Variants in NBL1 observed in about 807,000 individuals in gnomAD.
The protein encoded by NBL1 is neuroblastoma suppressor of tumorigenicity 1.
A neutral mutation model predicts 16.0 loss-of-function variants in NBL1; 9 were observed. The observed-to-expected ratio is 0.56, with a 90% CI of 0.34 to 0.98. NBL1 has a LOEUF of 0.98. Among genes scored for constraint, NBL1 ranks in the 50% least tolerant of loss-of-function variants. The pLI, the probability that NBL1 is intolerant of heterozygous loss-of-function variation, is 0.02. For missense variants in NBL1, 196 were observed against 243.1 expected, an observed-to-expected ratio of 0.81 and a Z score of 1.29; for synonymous variants, 86 against 100.7, an observed-to-expected ratio of 0.85 and a Z score of 0.87.
In NBL1 at chr1:19,644,489, A is replaced by G; in HGVS notation, c.-20+43A>G. 1 of 969,806 alleles carries G rather than the reference A, an allele frequency of 1.0e-6. No homozygotes were observed. Among genetic ancestry groups the G allele is most frequent in the South Asian group, 4.7e-5 (1 of 21,086 alleles). 60.1% of individuals were successfully genotyped at this position (969,806 alleles called of 1,614,324 possible). Reference sequence around the variant, plus strand: ...CGGCACGCGGGCGCCCGGCTTCCAGAGGCTTCGGCCGCGGGGGCAGTGCCG... The same window carrying G: ...CGGCACGCGGGCGCCCGGCTTCCAGGGGCTTCGGCCGCGGGGGCAGTGCCG... On this transcript the variant is annotated intron_variant, in intron 1 of 3. Coordinates refer to ENST00000375136, the MANE Select transcript of NBL1 (RefSeq NM_005380.8). This position sits in a 1 kb window ranked among gnomAD's most constrained non-coding sequence, Gnocchi z 4.6.
At chr1:19,652,463 G>GA (rs200087124) in intron 1 of NBL1, among the ~76,000 whole-genome samples, 10 of 152,030 alleles carry the variant, frequency 6.6e-5, no homozygotes, top group Non-Finnish European at 8.8e-5. Flanking sequence ...GGAGGCGGCG[G>GA]GGGGGCAGCC....
chr1:19,647,990 G>A (rs1254887623), intron 1 of NBL1, among the ~76,000 whole-genome samples: 2 of 152,138 alleles, frequency 1.3e-5, no homozygotes, highest in African/African-American at 4.8e-5. Flanking sequence ...AGGGGGCACA[G>A]GTGGTTTGGG....
intron 1 of NBL1, chr1:19,647,574 G>C: frequency 1.0e-6 from 1 of 984,778 alleles, no homozygotes; most frequent in Non-Finnish European, 1.2e-6. Context: ...GGAGAGGCAG[G>C]GGAGGGGGAG....
At chr1:19,649,316 A>G (rs1332833256) in intron 1 of NBL1, among the ~76,000 whole-genome samples, 1 of 151,842 alleles carries the variant, frequency 6.6e-6, no homozygotes, top group Non-Finnish European at 1.5e-5. Flanking sequence ...CCACACAATG[A>G]TGAACCACGT....
intron 1 of NBL1, chr1:19,646,107 G>C: frequency 6.7e-7 from 1 of 1,503,584 alleles, no homozygotes; most frequent in Non-Finnish European, 9.0e-7. Flanking sequence ...GGCAGGCCTG[G>C]GTGGCACGGG....
At chr1:19,645,693 G>A (rs2094974837) in intron 1 of NBL1, 3 of 1,251,354 alleles carry the variant, frequency 2.4e-6, no homozygotes, top group African/African-American at 3.1e-5. Context: ...GAAAAGGCGA[G>A]GCTGCAGCGT....
Position 19,657,296 on chromosome 1 carries a change from G to A in NBL1, c.*167G>A, listed in dbSNP as rs537038555. 2.1e-5 allele frequency: 11 copies of A among 517,692 alleles called. 1 individual carries two copies. In the South Asian group the frequency reaches 3.5e-4, roughly 16 times the overall value. The allele number at this position is 517,692 out of a possible 1,614,324, so 32.1% of individuals were successfully genotyped here. On this transcript the variant is annotated 3_prime_UTR_variant, in exon 4 of 4. Transcript: ENST00000375136. ...TGCCATGGAGATCTGAAGGGGCGGG[G>A]TTAGAGCCAAGCTGCACAATTTAAT... is the stretch of plus-strand genomic sequence containing the variant.
intron 1 of NBL1, chr1:19,646,114 CG>C (rs2094978588): frequency 6.7e-7 from 1 of 1,486,434 alleles, no homozygotes; most frequent in Non-Finnish European, 9.1e-7. Context: ...CTGGGTGGCA[CG>C]GGGTCGGCCC....
chr1:19,645,447 C>A, intron 1 of NBL1: 1 of 989,794 alleles, frequency 1.0e-6, no homozygotes, highest in Non-Finnish European at 1.2e-6. Context: ...AGGGAGAAAG[C>A]CACACTTCCA....
intron 1 of NBL1, among the ~76,000 whole-genome samples, chr1:19,649,324 C>T (rs1039358007): frequency 1.3e-5 from 2 of 151,118 alleles, no homozygotes; most frequent in Non-Finnish European, 2.9e-5. Context: ...TGATGAACCA[C>T]GTACACAATG....
upstream of NBL1, chr1:19,643,676 C>T (rs3762388): frequency 0.033 from 39,740 of 1,212,180 alleles, 682 homozygotes; most frequent in Non-Finnish European, 0.036. This position sits in a 1 kb window ranked among gnomAD's most constrained non-coding sequence, Gnocchi z 4.7. Context: ...TGGGGCTTTT[C>T]GGGATGCTTA....
intron 1 of NBL1, among the ~76,000 whole-genome samples, chr1:19,647,153 A>G (rs1391565788): frequency 4.6e-5 from 7 of 152,216 alleles, no homozygotes; most frequent in African/African-American, 1.7e-4. Flanking sequence ...AGATGAGGAA[A>G]CTGAGGTACA....
At chr1:19,643,497 G>A (rs942092551), upstream of NBL1, 1 of 1,542,524 alleles carries the variant, frequency 6.5e-7, no homozygotes, top group Non-Finnish European at 8.8e-7. The surrounding 1 kb of genome is among the most constrained non-coding windows in gnomAD (Gnocchi z 4.7). Context: ...TTCTCACCCC[G>A]TTGTTAAGCA....
chr1:19,648,386 G>A (rs1355004663), intron 1 of NBL1, among the ~76,000 whole-genome samples: 2 of 152,218 alleles, frequency 1.3e-5, no homozygotes, highest in Admixed American at 1.3e-4. Flanking sequence ...CCCGTGGGGA[G>A]CACATTCAGG....
Position 19,657,235 on chromosome 1 carries a change from A to T in NBL1, c.*106A>T, listed in dbSNP as rs2095061612. On this transcript the variant is annotated 3_prime_UTR_variant, in exon 4 of 4. Coordinates refer to ENST00000375136, the MANE Select transcript of NBL1 (RefSeq NM_005380.8). ...GAAGCCCCCCTTTGGCACTGGATGG[A>T]CTTGGCTTCAGACTCGGACTTGAAT... 6 of 592,206 alleles carry T rather than the reference A, an allele frequency of 1.0e-5. No homozygotes were observed. The highest frequency in any genetic ancestry group is 1.8e-5 in the Non-Finnish European group (6 of 335,562). The allele number at this position is 592,206 out of a possible 1,614,324, so 36.7% of individuals were successfully genotyped here. A position where few individuals can be genotyped will look rare whatever the true frequency, so the allele number is the denominator to read the frequency against.
At position 19,655,183 on chromosome 1, in the gene NBL1, CA is replaced by C; in HGVS notation, c.155del (p.Lys52SerfsTer9). The C allele has an allele frequency of 6.2e-7, 1 of 1,605,806 alleles. No individual in the cohort carries two copies. Among genetic ancestry groups the C allele is most frequent in the Non-Finnish European group, 8.5e-7 (1 of 1,176,158 alleles). On this transcript the variant is annotated frameshift_variant, in exon 2 of 4. Transcript: ENST00000375136. LOFTEE classifies it high-confidence loss of function. Reference sequence around the variant, plus strand: ...TCGTGGGCCACAGCGGCTGTGAGGCCAAGTCCATCCAGAACAGGTGGGACCC... The same window carrying C: ...TCGTGGGCCACAGCGGCTGTGAGGCCAGTCCATCCAGAACAGGTGGGACCC... ...QIVGHSGCEAKSIQNRACLGQ... is the reference protein window; with the variant it reads ...QIVGHSGCEAXSIQNRACLGQ...
chr1:19,644,833 C>T lies in NBL1; in HGVS notation c.-20+387C>T, dbSNP rs911882642. On this transcript the variant is annotated intron_variant, in intron 1 of 3. Transcript: ENST00000375136. The surrounding 1 kb of genome is among the most constrained non-coding windows in gnomAD (Gnocchi z 4.6). ...GTGCCCGGGCCTCGCCGCGCCGCGCCTCTCGGCTCTGGACGTTTCCGCCTC... is the reference window on the plus strand; with the variant it reads ...GTGCCCGGGCCTCGCCGCGCCGCGCTTCTCGGCTCTGGACGTTTCCGCCTC... 6.6e-6 allele frequency among the ~76,000 whole-genome samples: 1 copy of T among 152,116 alleles called. No individual in the cohort carries two copies. The highest frequency in any genetic ancestry group is 2.4e-5 in the African/African-American group (1 of 41,450).
At chr1:19,645,104 C>T (rs2100384651) in intron 1 of NBL1, among the ~76,000 whole-genome samples, 1 of 152,330 alleles carries the variant, frequency 6.6e-6, no homozygotes, top group Admixed American at 6.5e-5. Flanking sequence ...CCGATCCAGA[C>T]AATCCCCCAG....
chr1:19,646,091 G>A (rs1309699016), intron 1 of NBL1: 1 of 1,540,896 alleles, frequency 6.5e-7, no homozygotes, highest in African/African-American at 1.4e-5. Flanking sequence ...AGGGCTGGAA[G>A]ATGCAGGCAG....
Sources: gnomAD v4.1 joint callset for allele counts (sites outside exome capture counted in the v4.1 genomes callset) on GRCh38, gnomAD v4.1.1 for gene constraint, Gnocchi (gnomAD v3.1) non-coding constraint, MANE v1.5 for transcripts, NCBI Gene and HGNC (gene_info 2026-07-23, HGNC 2026-07-21) for gene names.